MIA3: variants seen among roughly 807,000 people sequenced by gnomAD.
MIA3 encodes the protein MIA SH3 domain ER export factor 3, also known as transport and Golgi organization protein 1 homolog.
Under a neutral mutation model 192.4 loss-of-function variants are expected in MIA3, and 90 were observed. The observed-to-expected ratio is 0.47, with a 90% confidence interval of 0.39 to 0.56. The LOEUF (loss-of-function observed/expected upper bound fraction) is 0.56, where lower values mean the gene tolerates loss of function less well. Ranked by LOEUF, MIA3 falls within the 20% of genes least tolerant of loss-of-function variation. MIA3 has a pLI of 0.00. For synonymous variants in MIA3, 740 were observed against 792.8 expected (o/e 0.93, Z 1.12); for missense variants, 2,123 against 2,269.4 (o/e 0.94, Z 1.31).
intron 6 of MIA3, among the ~76,000 whole-genome samples, chr1:222,644,787 T>A (rs78495749): frequency 1.3e-5 from 2 of 151,878 alleles, no homozygotes; most frequent in Non-Finnish European, 2.9e-5. Context: ...TTTTTTTTTT[T>A]ATTGAGTACT....
chr1:222,659,349 A>G, intron 19 of MIA3, 104 bp from the exon 20 acceptor site: 2 of 929,296 alleles, frequency 2.2e-6, no homozygotes, highest in East Asian at 4.9e-5. Flanking sequence ...TTTCTGGATA[A>G]GCTCTATTAG....
chr1:222,662,837 C>A, intron 26 of MIA3: 1 of 161,354 alleles, frequency 6.2e-6, no homozygotes, highest in Non-Finnish European at 1.4e-5. Flanking sequence ...TTTAAGAATA[C>A]CTACAGTTGT....
intron 2 of MIA3, among the ~76,000 whole-genome samples, chr1:222,623,090 G>A (rs1292140804): frequency 1.3e-5 from 2 of 152,140 alleles, no homozygotes; most frequent in African/African-American, 2.4e-5. Context: ...ATTTCCTGAC[G>A]AGGCAGTGGC....
intron 11 of MIA3, among the ~76,000 whole-genome samples, chr1:222,651,146 C>T (rs1195544548): frequency 1.3e-5 from 2 of 151,158 alleles, no homozygotes; most frequent in Admixed American, 1.3e-4. Context: ...CTCTGCCCTC[C>T]GAAACATGTG....
intron 13 of MIA3, 114 bp from the exon 14 acceptor site, chr1:222,652,894 A>T: frequency 8.4e-7 from 1 of 1,195,868 alleles, no homozygotes; most frequent in Non-Finnish European, 1.2e-6. Flanking sequence ...CTTAGCCCAT[A>T]GTGATAGGCC....
At position 222,630,138 on chromosome 1, in the gene MIA3, A is replaced by G. The variant is rs879655464; in HGVS notation, c.2918A>G (p.Lys973Arg). The G allele has an allele frequency of 1.2e-6, 2 of 1,614,110 alleles. No homozygotes were observed. Among genetic ancestry groups the G allele is most frequent in the Non-Finnish European group, 1.7e-6 (2 of 1,180,042 alleles). ...GAGAGCCTGCCCTATAATATGGAAA[A>G]AGTCCTAGATAAGGTCTTCCGTGCT... ...QQESLPYNMEKVLDKVFRASE... is the reference protein window; with the variant it reads ...QQESLPYNMERVLDKVFRASE... The change falls in exon 4 of 28, where the codon AAA becomes AGA. Residue 973 changes from lysine (K) to arginine (R), a missense_variant. By Grantham distance (26) the Lys-to-Arg change is conservative. This residue lies in a region of MIA3 where 1,357 missense variants were observed against 1,396.1 expected (regional missense o/e 0.97). Coordinates refer to ENST00000344922, the MANE Select transcript of MIA3 (RefSeq NM_198551.4).
At chr1:222,635,946 T>A (rs934813312) in intron 6 of MIA3, among the ~76,000 whole-genome samples, 1 of 152,224 alleles carries the variant, frequency 6.6e-6, no homozygotes, top group Non-Finnish European at 1.5e-5. Context: ...TCCAGATGAT[T>A]TCCTCTATAG....
chr1:222,624,257 G>A (rs944902194), intron 2 of MIA3, among the ~76,000 whole-genome samples: 7 of 152,088 alleles, frequency 4.6e-5, no homozygotes, highest in African/African-American at 1.2e-4. Flanking sequence ...TTATCAAAAC[G>A]TACACACACA....
intron 6 of MIA3, among the ~76,000 whole-genome samples, chr1:222,634,403 G>C (rs1464834275): frequency 6.6e-6 from 1 of 152,156 alleles, no homozygotes; most frequent in African/African-American, 2.4e-5. Context: ...AAAGGAAATT[G>C]TACACCATAG....
chr1:222,638,428 G>A (rs550489717), intron 6 of MIA3, among the ~76,000 whole-genome samples: 2 of 152,176 alleles, frequency 1.3e-5, no homozygotes, highest in African/African-American at 4.8e-5. Flanking sequence ...CAGGCCAGGC[G>A]CAGTGGCATC....
At chr1:222,634,131 C>T (rs1662529362) in intron 6 of MIA3, among the ~76,000 whole-genome samples, 2 of 152,146 alleles carry the variant, frequency 1.3e-5, no homozygotes, top group African/African-American at 2.4e-5. Context: ...CGTGAGCCAC[C>T]ATTCCCGGCC....
Position 222,629,067 on chromosome 1 carries a change from A to G in MIA3, c.1847A>G (p.Glu616Gly), listed in dbSNP as rs987337461. 2.5e-6 allele frequency: 4 copies of G among 1,614,036 alleles called. No homozygotes were observed. The highest frequency in any genetic ancestry group is 4.5e-5 in the East Asian group (2 of 44,902). ...LHTLSVEHQR[E>G]ELKEELVLKT... ...ACGCTTTCAGTGGAGCATCAACGTGAGGAATTGAAAGAGGAATTAGTTCTT... is the reference window on the plus strand; with the variant it reads ...ACGCTTTCAGTGGAGCATCAACGTGGGGAATTGAAAGAGGAATTAGTTCTT... The change falls in exon 4 of 28, where the codon GAG (glutamate) becomes GGG (glycine). Residue 616 changes from glutamate (E) to glycine (G), a missense_variant. Glu to Gly is a moderately conservative substitution (Grantham distance 98). Coordinates refer to ENST00000344922, the MANE Select transcript of MIA3 (RefSeq NM_198551.4).
chr1:222,661,905 C>G (rs770700244), intron 24 of MIA3, 151 bp from the exon 25 acceptor site: 1 of 617,230 alleles, frequency 1.6e-6, no homozygotes, highest in Non-Finnish European at 2.8e-6. Flanking sequence ...TCTTTAAGTC[C>G]GTGCATAAAT....
rs540035767 is a variant in MIA3, at chr1:222,667,697, G to C, written c.*2078G>C. The C allele has an allele frequency of 6.6e-6, 1 of 152,280 alleles. No individual in the cohort carries two copies. The highest frequency in any genetic ancestry group is 1.9e-4 in the East Asian group (1 of 5,184). 9.4% of individuals were successfully genotyped at this position (152,280 alleles called of 1,614,324 possible). On this transcript the variant is annotated 3_prime_UTR_variant, in exon 28 of 28. Transcript: ENST00000344922. ...CCCCAAAGCAGGGTGCCAATATGCA[G>C]ATGGCATAGGGAGTATCATCCCTCA...
chr1:222,659,427 A>G lies in MIA3; in HGVS notation c.4710-26A>G, dbSNP rs758991889. ...GGGTTTTTATTCAGTTGTGCTTTAA[A>G]TGATAAAGCCAAGTGTAATTCTTAG... is the stretch of plus-strand genomic sequence containing the variant. On this transcript the variant is annotated intron_variant, in intron 19 of 27. Transcript: ENST00000344922. 5.0e-6 allele frequency: 8 copies of G among 1,605,602 alleles called. No homozygotes were observed. In the South Asian group the frequency reaches 8.8e-5, roughly 18 times the overall value.
Position 222,621,305 on chromosome 1 carries a change from T to C in MIA3, c.267+13T>C. 1 of 1,599,388 alleles carries C rather than the reference T, an allele frequency of 6.3e-7. No homozygotes were observed. Among genetic ancestry groups the C allele is most frequent in the East Asian group, 2.2e-5 (1 of 44,818 alleles). ...TTGGGCTGGAAGTGTAAGTAAAATA[T>C]CGACATACTTTATTTGCTTAATTTT... On this transcript the variant is annotated intron_variant, in intron 2 of 27. Coordinates refer to ENST00000344922, the MANE Select transcript of MIA3 (RefSeq NM_198551.4).
At chr1:222,631,183 A>G (rs1662384595) in intron 4 of MIA3, among the ~76,000 whole-genome samples, 2 of 149,262 alleles carry the variant, frequency 1.3e-5, no homozygotes, top group South Asian at 4.2e-4. Context: ...GTACAGTGGC[A>G]TGATCATAAC....
At chr1:222,651,908 C>G in intron 11 of MIA3, 69 bp from the exon 12 acceptor site, 1 of 871,942 alleles carries the variant, frequency 1.1e-6, no homozygotes, top group South Asian at 1.3e-5. Context: ...GTTTCTTCTT[C>G]TTAGTATGTA....
Position 222,621,266 on chromosome 1 carries a change from G to A in MIA3, c.241G>A (p.Gly81Arg). 6.2e-7 allele frequency: 1 copy of A among 1,608,440 alleles called. No individual in the cohort carries two copies. The highest frequency in any genetic ancestry group is 1.1e-5 in the South Asian group (1 of 89,472). Reference protein sequence around the residue: ...PVYVYYKLARGWPEVWAGSVG... With the variant: ...PVYVYYKLARRWPEVWAGSVG... ...ATATGTTTACTATAAACTGGCAAGA[G>A]GATGGCCTGAAGTTTGGGCTGGAAG... is the stretch of plus-strand genomic sequence containing the variant. Residue 81 changes from glycine to arginine, a missense_variant, in exon 2 of 28, where the codon GGA (glycine) becomes AGA (arginine). Gly to Arg is a moderately radical substitution (Grantham distance 125). This residue lies in a region of MIA3 where 1,357 missense variants were observed against 1,396.1 expected (regional missense o/e 0.97). Coordinates refer to ENST00000344922, the MANE Select transcript of MIA3 (RefSeq NM_198551.4).
Sources: allele counts gnomAD v4.1 joint callset (sites outside exome capture counted in the v4.1 genomes callset), GRCh38; gene constraint gnomAD v4.1.1; regional missense constraint gnomAD v4.1.1; transcripts MANE v1.5; gene names NCBI Gene and HGNC (gene_info 2026-07-23, HGNC 2026-07-21).